The following FGF5 variants were observed in gnomAD, a reference collection of about 807,000 sequenced individuals.
FGF5 encodes the protein fibroblast growth factor 5.
FGF5 carries 23 observed loss-of-function variants against 21.8 expected under a neutral mutation model. The observed-to-expected ratio is 1.05, with a 90% confidence interval of 0.76 to 1.49. The LOEUF is 1.49. FGF5 is among the 40% of genes most tolerant of loss of function. The pLI, the probability that FGF5 is intolerant of heterozygous loss-of-function variation, is 0.00. For synonymous variants in FGF5, 158 were observed against 124.0 expected, an observed-to-expected ratio of 1.27 and a Z score of -1.82; for missense variants, 352 against 332.9, an observed-to-expected ratio of 1.06 and a Z score of -0.45.
At chr4:80,276,611 C>T (rs1302391245) in intron 2 of FGF5, among the ~76,000 whole-genome samples, 1 of 151,702 alleles carries the variant, frequency 6.6e-6, no homozygotes, top group Non-Finnish European at 1.5e-5. Flanking sequence ...TAGTGTACAC[C>T]GTACCCAATG....
At position 80,280,732 on chromosome 4, in the gene FGF5, G is replaced by A. The variant is rs551708644; in HGVS notation, c.460-5593G>A. Among the ~76,000 whole-genome samples the A allele has an allele frequency of 9.2e-5, 14 of 152,222 alleles. No homozygotes were observed. In the East Asian group the frequency reaches 1.9e-3, roughly 21 times the overall value. On this transcript the variant is annotated intron_variant, in intron 2 of 2. Transcript: ENST00000312465. ...ACACAGAGTAGTCTCCAATAGTCCA[G>A]CTATATGGAGTTATTAAGGGCCTCA...
intron 1 of FGF5, 135 bp downstream of exon 1, chr4:80,267,314 A>G: frequency 1.4e-6 from 1 of 706,900 alleles, no homozygotes; most frequent in East Asian, 2.7e-5. Context: ...ACTCAGAAAC[A>G]GCCGGGCGGG....
At chr4:80,277,416 T>G (rs577041068) in intron 2 of FGF5, among the ~76,000 whole-genome samples, 44 of 152,254 alleles carry the variant, frequency 2.9e-4, no homozygotes, top group Non-Finnish European at 5.9e-4. Context: ...ATCTGAGCAT[T>G]TATTAGCACT....
Position 80,286,702 on chromosome 4 carries a change from C to T in FGF5, c.*30C>T. On this transcript the variant is annotated 3_prime_UTR_variant, in exon 3 of 3. Transcript: ENST00000312465. ...CCTCTTGGCCTTGTGAGAAACCATT[C>T]TTTCCCCTCAGGAGTTTCTATAGGT... 1 of 1,570,752 alleles carries T rather than the reference C, an allele frequency of 6.4e-7. No homozygotes were observed. Among genetic ancestry groups the T allele is most frequent in the Non-Finnish European group, 8.7e-7 (1 of 1,145,324 alleles).
At chr4:80,268,561 G>T in intron 1 of FGF5, 4 of 984,062 alleles carry the variant, frequency 4.1e-6, no homozygotes, top group Non-Finnish European at 4.8e-6. Context: ...TCGGAGGCGC[G>T]CAAGTGGGTA....
At chr4:80,284,637 T>C (rs368723043) in intron 2 of FGF5, among the ~76,000 whole-genome samples, 4 of 152,222 alleles carry the variant, frequency 2.6e-5, no homozygotes, top group East Asian at 3.8e-4. Context: ...TAAACTATTG[T>C]ACATAAAGTG....
rs751984347 is a variant in FGF5 at position 80,266,811 on chromosome 4, C to A, written c.-14C>A. 20 of 1,562,780 alleles carry A rather than the reference C, an allele frequency of 1.3e-5. No homozygotes were observed. Among genetic ancestry groups the A allele is most frequent in the Non-Finnish European group, 1.6e-5 (19 of 1,156,636 alleles). On this transcript the variant is annotated 5_prime_UTR_variant, in exon 1 of 3. Coordinates refer to ENST00000312465, the MANE Select transcript of FGF5 (RefSeq NM_004464.4). The stretch of plus-strand genomic sequence containing the variant: ...GCCCTACAAGATGCACTTAGGACCC[C>A]CGCGGCTGGAAGAATGAGCTTGTCC...
At chr4:80,282,372 G>A (rs1177182849) in intron 2 of FGF5, among the ~76,000 whole-genome samples, 1 of 151,724 alleles carries the variant, frequency 6.6e-6, no homozygotes, top group African/African-American at 2.4e-5. Flanking sequence ...TTGTCAATTA[G>A]GAGTATATAC....
chr4:80,273,359 T>G lies in FGF5; in HGVS notation c.356-1550T>G, dbSNP rs191153488. 1.2e-3 allele frequency among the ~76,000 whole-genome samples: 182 copies of G among 152,242 alleles called. 1 individual carries two copies. The highest frequency in any genetic ancestry group is 4.1e-3 in the African/African-American group (172 of 41,564). On this transcript the variant is annotated intron_variant, in intron 1 of 2. Coordinates refer to ENST00000312465, the MANE Select transcript of FGF5 (RefSeq NM_004464.4). ...CTGTTCAGTTATCCCCTTTTTCACA[T>G]AAACTTTCTAATCAAGTTTTTTAAG...
chr4:80,269,957 C>T (rs1720222891), intron 1 of FGF5, among the ~76,000 whole-genome samples: 1 of 152,206 alleles, frequency 6.6e-6, no homozygotes, highest in African/African-American at 2.4e-5. Context: ...CTGCCATTAC[C>T]TAGCTGTAAA....
chr4:80,275,152 G>T (rs1403499466), intron 2 of FGF5, 140 bp downstream of exon 2: 1 of 448,600 alleles, frequency 2.2e-6, no homozygotes, highest in Non-Finnish European at 3.9e-6. Context: ...ATTTAACCAA[G>T]ATAATTTTGT....
chr4:80,267,207 C>A (rs1225033931), intron 1 of FGF5, 28 bp downstream of exon 1: 3 of 1,537,000 alleles, frequency 2.0e-6, no homozygotes, highest in Non-Finnish European at 1.8e-6. Flanking sequence ...CTACAAAACC[C>A]GTCCTAGGCG....
In FGF5 at chr4:80,275,030, A is replaced by G; in HGVS notation, c.459+18A>G. Reference sequence around the variant, plus strand: ...ATGCAAGTGTAAGTAGAACCACTTTATATTTGTTAAAGGTGCTATAAAGAT... The same window carrying G: ...ATGCAAGTGTAAGTAGAACCACTTTGTATTTGTTAAAGGTGCTATAAAGAT... On this transcript the variant is annotated intron_variant, in intron 2 of 2. Transcript: ENST00000312465. 1 of 1,088,890 alleles carries G rather than the reference A, an allele frequency of 9.2e-7. No homozygotes were observed. Among genetic ancestry groups the G allele is most frequent in the Non-Finnish European group, 1.4e-6 (1 of 726,698 alleles). 67.5% of individuals were successfully genotyped at this position (1,088,890 alleles called of 1,614,324 possible). A position where few individuals can be genotyped will look rare whatever the true frequency, so the allele number is the denominator to read the frequency against.
intron 1 of FGF5, among the ~76,000 whole-genome samples, chr4:80,269,473 G>C (rs529908300): frequency 2.0e-5 from 3 of 152,124 alleles, no homozygotes; most frequent in Non-Finnish European, 4.4e-5. Flanking sequence ...AATAAGAGCA[G>C]ATCAAAAAGA....
rs1438459276 is a variant in FGF5, at chr4:80,290,313, C to T, written c.*3641C>T. On this transcript the variant is annotated 3_prime_UTR_variant, in exon 3 of 3. Coordinates refer to ENST00000312465, the MANE Select transcript of FGF5 (RefSeq NM_004464.4). The stretch of plus-strand genomic sequence containing the variant: ...ATTTTTTAAAAGTTTTGAAGGAAAC[C>T]TCTGGATAAATGGACAAGGCCTAAT... The T allele has an allele frequency of 2.6e-5, 4 of 152,042 alleles. No homozygotes were observed. The highest frequency in any genetic ancestry group is 9.7e-5 in the African/African-American group (4 of 41,398). The allele number at this position is 152,042 out of a possible 1,614,324, so 9.4% of individuals were successfully genotyped here. A position where few individuals can be genotyped will look rare whatever the true frequency, so the allele number is the denominator to read the frequency against.
intron 2 of FGF5, among the ~76,000 whole-genome samples, chr4:80,285,750 T>C (rs1720693694): frequency 6.6e-6 from 1 of 152,186 alleles, no homozygotes; most frequent in Non-Finnish European, 1.5e-5. Flanking sequence ...TGAGTAAAGA[T>C]ACGTTATTTT....
In FGF5 at chr4:80,266,668, G is replaced by C; in HGVS notation, c.-157G>C. On this transcript the variant is annotated 5_prime_UTR_variant, in exon 1 of 3. Coordinates refer to ENST00000312465, the MANE Select transcript of FGF5 (RefSeq NM_004464.4). ...CCGGTGCCAGCGCGGAGATCCGCTCGGGTGGCCTCTCTCTTCCCCTCTCCC... is the reference window on the plus strand; with the variant it reads ...CCGGTGCCAGCGCGGAGATCCGCTCCGGTGGCCTCTCTCTTCCCCTCTCCC... 1 of 625,588 alleles carries C rather than the reference G, an allele frequency of 1.6e-6. No individual in the cohort carries two copies. The highest frequency in any genetic ancestry group is 2.7e-6 in the Non-Finnish European group (1 of 363,826). 38.8% of individuals were successfully genotyped at this position (625,588 alleles called of 1,614,324 possible).
intron 2 of FGF5, among the ~76,000 whole-genome samples, chr4:80,282,242 G>A (rs1442291364): frequency 1.3e-5 from 2 of 152,152 alleles, no homozygotes; most frequent in African/African-American, 4.8e-5. Context: ...GATTACAGAT[G>A]TGAGCCACCG....
At chr4:80,286,294 C>A (rs377522118) in intron 2 of FGF5, 31 bp from the exon 3 acceptor site, 2 of 1,464,388 alleles carry the variant, frequency 1.4e-6, no homozygotes, top group African/African-American at 1.4e-5. Flanking sequence ...ATCGCCACAA[C>A]TTAAATTTCC....
Sources: allele counts gnomAD v4.1 joint callset (sites outside exome capture counted in the v4.1 genomes callset), GRCh38; gene constraint gnomAD v4.1.1; transcripts MANE v1.5; gene names NCBI Gene and HGNC (gene_info 2026-07-23, HGNC 2026-07-21).